HECW1: variants seen among roughly 807,000 people sequenced by gnomAD.
HECW1 encodes HECT, C2 and WW domain containing E3 ubiquitin protein ligase 1, also known as E3 ubiquitin-protein ligase HECW1.
Under a neutral mutation model 182.3 loss-of-function variants are expected in HECW1, and 61 were observed. That is an observed-to-expected ratio of 0.33 (90% CI 0.27 to 0.41). HECW1 has a LOEUF of 0.41. Ranked by LOEUF, HECW1 falls within the 10% of genes least tolerant of loss-of-function variation. HECW1 has a pLI of 1.00. For missense variants in HECW1, 1,739 were observed against 2,108.9 expected, an observed-to-expected ratio of 0.82 and a Z score of 3.44; for synonymous variants, 859 against 832.6, an observed-to-expected ratio of 1.03 and a Z score of -0.55.
intron 3 of HECW1, among the ~76,000 whole-genome samples, chr7:43,308,318 TATATG>T (rs1490164272): frequency 3.9e-5 from 5 of 127,348 alleles, no homozygotes; most frequent in African/African-American, 1.5e-4. Flanking sequence ...ATTTATATAT[TATATG>T]ATATATTTAT....
intron 8 of HECW1, among the ~76,000 whole-genome samples, chr7:43,435,379 A>G (rs2076678489): frequency 6.6e-6 from 1 of 152,164 alleles, no homozygotes; most frequent in African/African-American, 2.4e-5. Flanking sequence ...GGATTCTCAA[A>G]CTTGACATGT....
chr7:43,423,437 AG>A (rs1410689446), intron 8 of HECW1, among the ~76,000 whole-genome samples: 1 of 152,200 alleles, frequency 6.6e-6, no homozygotes, highest in African/African-American at 2.4e-5. Flanking sequence ...CTTGTTCTAC[AG>A]TGATGCCTGA....
At chr7:43,124,721 T>G (rs1786021938) in intron 2 of HECW1, among the ~76,000 whole-genome samples, 1 of 152,232 alleles carries the variant, frequency 6.6e-6, no homozygotes, top group South Asian at 2.1e-4. Flanking sequence ...GAGCTTACCC[T>G]GGTTGTGCCT....
chr7:43,164,642 T>A (rs1790907096), intron 2 of HECW1, among the ~76,000 whole-genome samples: 1 of 152,166 alleles, frequency 6.6e-6, no homozygotes, highest in Non-Finnish European at 1.5e-5. Context: ...CAGTCCTTGG[T>A]GCATAGTGGG....
intron 6 of HECW1, among the ~76,000 whole-genome samples, chr7:43,386,879 A>T (rs797007832): frequency 8.8e-4 from 134 of 152,346 alleles, no homozygotes; most frequent in African/African-American, 3.1e-3. Flanking sequence ...CAAAATAATT[A>T]AAATAGCAGC....
chr7:43,176,518 T>G (rs1257298649), intron 2 of HECW1, among the ~76,000 whole-genome samples: 1 of 152,160 alleles, frequency 6.6e-6, no homozygotes, highest in African/African-American at 2.4e-5. Flanking sequence ...TTCTTACTGG[T>G]GGGGACTCTG....
intron 13 of HECW1, among the ~76,000 whole-genome samples, chr7:43,462,545 A>C (rs913198280): frequency 1.3e-5 from 2 of 152,060 alleles, no homozygotes; most frequent in African/African-American, 2.4e-5. Flanking sequence ...GCCCTACACC[A>C]AACCTACTGA....
intron 8 of HECW1, among the ~76,000 whole-genome samples, chr7:43,426,279 C>T (rs552893068): frequency 1.6e-4 from 24 of 152,068 alleles, no homozygotes; most frequent in African/African-American, 3.9e-4. Flanking sequence ...ACATAGAATA[C>T]GGCAAGATAA....
At chr7:43,304,368 C>T (rs919553563) in intron 3 of HECW1, among the ~76,000 whole-genome samples, 3 of 152,188 alleles carry the variant, frequency 2.0e-5, no homozygotes, top group Non-Finnish European at 4.4e-5. Context: ...CTAGTGCTTA[C>T]AAGAATTCCT....
intron 2 of HECW1, among the ~76,000 whole-genome samples, chr7:43,189,913 C>T (rs948129811): frequency 6.6e-6 from 1 of 152,086 alleles, no homozygotes; most frequent in Non-Finnish European, 1.5e-5. Flanking sequence ...TTTTGAATCT[C>T]GGGGCTTTTT....
chr7:43,438,017 G>C lies in HECW1; in HGVS notation c.816G>C (p.Val272=). 6.2e-7 allele frequency: 1 copy of C among 1,614,066 alleles called. No individual in the cohort carries two copies. The change falls in exon 9 of 30, where the codon GTG becomes GTC. Residue 272 remains valine (V), a synonymous_variant. Transcript: ENST00000395891. ...TTTCATTGCAGCAATTCAGTTTTGTGTCCTTGCCCACTGACGTGCTGGAAA... is the reference window on the plus strand; with the variant it reads ...TTTCATTGCAGCAATTCAGTTTTGTCTCCTTGCCCACTGACGTGCTGGAAA... ...PIWQAEQFSF[V]SLPTDVLEIE...
intron 6 of HECW1, among the ~76,000 whole-genome samples, chr7:43,379,510 A>T (rs1254047433): frequency 6.6e-6 from 1 of 151,970 alleles, no homozygotes; most frequent in Non-Finnish European, 1.5e-5. Context: ...CTTCCATCCC[A>T]TTACATAACG....
intron 3 of HECW1, among the ~76,000 whole-genome samples, chr7:43,271,495 A>G (rs992953445): frequency 2.0e-5 from 3 of 152,216 alleles, no homozygotes; most frequent in Non-Finnish European, 2.9e-5. Context: ...GAACTGATAA[A>G]CGATTTTAGC....
chr7:43,373,582 C>T (rs1264936243), intron 6 of HECW1, among the ~76,000 whole-genome samples: 1 of 151,996 alleles, frequency 6.6e-6, no homozygotes, highest in Non-Finnish European at 1.5e-5. Flanking sequence ...CTTCTAATGG[C>T]TGGTATAGTA....
At chr7:43,447,192 G>T (rs1187997675) in intron 11 of HECW1, among the ~76,000 whole-genome samples, 1 of 151,584 alleles carries the variant, frequency 6.6e-6, no homozygotes, top group Admixed American at 6.6e-5. Flanking sequence ...ATTAAAAAGT[G>T]TACTGACACT....
chr7:43,287,032 T>C (rs1157189827), intron 3 of HECW1, among the ~76,000 whole-genome samples: 1 of 151,902 alleles, frequency 6.6e-6, no homozygotes, highest in Admixed American at 6.6e-5. Context: ...GGGAGTTGTT[T>C]AAGGATGGTT....
intron 3 of HECW1, among the ~76,000 whole-genome samples, chr7:43,298,878 G>A (rs1304815893): frequency 2.0e-5 from 3 of 152,188 alleles, no homozygotes; most frequent in Non-Finnish European, 2.9e-5. Flanking sequence ...TCTCTGGAGC[G>A]AGACCGCACT....
chr7:43,260,285 G>A (rs1801027911), intron 3 of HECW1, among the ~76,000 whole-genome samples: 1 of 152,158 alleles, frequency 6.6e-6, no homozygotes, highest in Non-Finnish European at 1.5e-5. Flanking sequence ...TCTGAACTAA[G>A]ATCAGAAGCG....
intron 12 of HECW1, 89 bp downstream of exon 12, chr7:43,451,018 C>T (rs536899896): frequency 1.1e-6 from 1 of 884,348 alleles, no homozygotes; most frequent in Non-Finnish European, 1.9e-6. Flanking sequence ...CATCTAAAGT[C>T]TTTCCCGACT....
Sources: gnomAD v4.1 joint callset for allele counts (sites outside exome capture counted in the v4.1 genomes callset) on GRCh38, gnomAD v4.1.1 for gene constraint, MANE v1.5 for transcripts, NCBI Gene and HGNC (gene_info 2026-07-23, HGNC 2026-07-21) for gene names.